FUBP1: variants seen among roughly 807,000 people sequenced by gnomAD.
FUBP1 encodes far upstream element-binding protein 1.
In FUBP1, 16 loss-of-function variants were observed where a neutral mutation model predicts 94.9. The observed-to-expected ratio is 0.17, with a 90% CI of 0.11 to 0.26. FUBP1 has a LOEUF of 0.26. Ranked by LOEUF, FUBP1 falls within the 10% of genes least tolerant of loss-of-function variation. FUBP1 has a pLI of 1.00. For missense variants in FUBP1, 583 were observed against 808.6 expected (o/e 0.72, Z 3.38); for synonymous variants, 279 against 254.9 (o/e 1.09, Z -0.90).
chr1:77,978,746 T>C (rs1459539183), intron 1 of FUBP1, 139 bp downstream of exon 1: 1 of 1,084,590 alleles, frequency 9.2e-7, no homozygotes, highest in South Asian at 1.4e-5. Context: ...ATTACCAACA[T>C]GGGGAAACGT....
chr1:77,956,443 A>C, intron 17 of FUBP1, 129 bp downstream of exon 17: 1 of 571,406 alleles, frequency 1.8e-6, no homozygotes. Flanking sequence ...TAACAATTTA[A>C]AAAAGGAAAA....
intron 1 of FUBP1, among the ~76,000 whole-genome samples, chr1:77,977,815 A>C (rs76576474): frequency 0.047 from 7,206 of 152,294 alleles, 226 homozygotes; most frequent in East Asian, 0.11. Context: ...AAGTACAGGT[A>C]CATGTTTATA....
In FUBP1 at chr1:77,963,694, C is replaced by T; in HGVS notation, c.1063G>A (p.Gly355Arg). The T allele has an allele frequency of 6.2e-7, 1 of 1,611,380 alleles. No individual in the cohort carries two copies. Among genetic ancestry groups the T allele is most frequent in the Non-Finnish European group, 8.5e-7 (1 of 1,177,824 alleles). ...SVQAGNPGGP[G>R]PGGRGRGRGQ... ...CTACCTCTTCCTCGACCACCAGGTC[C>T]AGGTCCACCAGGATTACCAGCCTAT... Residue 355 changes from glycine (G) to arginine (R), a missense_variant, in exon 13 of 20, where the codon GGA becomes AGA. Physicochemically the swap from Gly to Arg is moderately radical, Grantham distance 125 (BLOSUM62 -2). Transcript: ENST00000370768.
chr1:77,967,149 G>T, intron 4 of FUBP1, 48 bp from the exon 5 acceptor site: 1 of 1,181,584 alleles, frequency 8.5e-7, no homozygotes, highest in Non-Finnish European at 1.2e-6. Flanking sequence ...AAGATACTTT[G>T]TTTACAAATA....
intron 1 of FUBP1, among the ~76,000 whole-genome samples, chr1:77,970,649 G>C (rs530944845): frequency 1.3e-5 from 2 of 152,182 alleles, no homozygotes; most frequent in East Asian, 1.9e-4. Flanking sequence ...CAGGGAGCTC[G>C]AGTCTTAAAA....
At chr1:77,979,209 A>AG (rs936128493), upstream of FUBP1, 7 of 559,326 alleles carry the variant, frequency 1.3e-5, no homozygotes, top group Non-Finnish European at 1.9e-5. Flanking sequence ...AAAGAACGAC[A>AG]GGAACAGAGA....
rs1376356183 is a variant in FUBP1 at position 77,967,188 on chromosome 1, T to C, written c.291-87A>G. The C allele has an allele frequency of 9.5e-6, 8 of 841,372 alleles. No individual in the cohort carries two copies. In the African/African-American group the frequency reaches 1.4e-4, roughly 15 times the overall value. 52.1% of individuals were successfully genotyped at this position (841,372 alleles called of 1,614,324 possible). ...GATAATCTATTAATAAAAATGGAAG[T>C]CTAATGTCTCCCAATGGCTTAAACT... On this transcript the variant is annotated intron_variant, in intron 4 of 19. Coordinates refer to ENST00000370768, the MANE Select transcript of FUBP1 (RefSeq NM_003902.5).
chr1:77,965,497 G>A (rs551041850), intron 7 of FUBP1, among the ~76,000 whole-genome samples: 21 of 152,262 alleles, frequency 1.4e-4, no homozygotes, highest in Admixed American at 5.2e-4. Flanking sequence ...GAACTCTAAT[G>A]CTAAAGTTAT....
At chr1:77,962,678 T>C (rs1655725045) in intron 14 of FUBP1, 92 bp downstream of exon 14, 3 of 694,466 alleles carry the variant, frequency 4.3e-6, no homozygotes, top group East Asian at 5.3e-5. Context: ...CTAGTAATGA[T>C]ACATTTTCCT....
Position 77,947,492 on chromosome 1 carries a change from C to CA in FUBP1, c.*1273dup. On this transcript the variant is annotated 3_prime_UTR_variant, in exon 20 of 20. Coordinates refer to ENST00000370768, the MANE Select transcript of FUBP1 (RefSeq NM_003902.5). Reference sequence around the variant, plus strand: ...TGAAGGAACACAATCAAGGATGATACACAGCACAGTCCTCCTCACCCCTAC... The same window carrying CA: ...TGAAGGAACACAATCAAGGATGATACAACAGCACAGTCCTCCTCACCCCTAC... 7.6e-7 allele frequency: 1 copy of CA among 1,311,614 alleles called. No individual in the cohort carries two copies. 81.2% of individuals were successfully genotyped at this position (1,311,614 alleles called of 1,614,324 possible).
chr1:77,947,668 C>T lies in FUBP1; in HGVS notation c.*1098G>A. 1 of 686,028 alleles carries T rather than the reference C, an allele frequency of 1.5e-6. No homozygotes were observed. The highest frequency in any genetic ancestry group is 2.3e-5 in the Admixed American group (1 of 44,184). 42.5% of individuals were successfully genotyped at this position (686,028 alleles called of 1,614,324 possible). A position where few individuals can be genotyped will look rare whatever the true frequency, so the allele number is the denominator to read the frequency against. On this transcript the variant is annotated 3_prime_UTR_variant, in exon 20 of 20. Coordinates refer to ENST00000370768, the MANE Select transcript of FUBP1 (RefSeq NM_003902.5). Reference sequence around the variant, plus strand: ...AATGGATTTCAACAAAATATCAGAACTTCAGCATGAGTGTTAAAGAGTAAT... The same window carrying T: ...AATGGATTTCAACAAAATATCAGAATTTCAGCATGAGTGTTAAAGAGTAAT...
chr1:77,979,219 A>G (rs1659375258), upstream of FUBP1: 4 of 549,416 alleles, frequency 7.3e-6, no homozygotes, highest in Non-Finnish European at 1.3e-5. Flanking sequence ...AGGAACAGAG[A>G]CGTCGCGAGG....
rs554110245 is a variant in FUBP1 at position 77,977,817 on chromosome 1, A to G, written c.120+1068T>C. Among the ~76,000 whole-genome samples, 12 of 152,372 alleles carry G rather than the reference A, an allele frequency of 7.9e-5. No individual in the cohort carries two copies. In the South Asian group the frequency reaches 2.1e-3, roughly 26 times the overall value. On this transcript the variant is annotated intron_variant, in intron 1 of 19. Coordinates refer to ENST00000370768, the MANE Select transcript of FUBP1 (RefSeq NM_003902.5). ...TCTGGTTATAAAAAAGTACAGGTACATGTTTATAATGCGTTCACATTAGAT... is the reference window on the plus strand; with the variant it reads ...TCTGGTTATAAAAAAGTACAGGTACGTGTTTATAATGCGTTCACATTAGAT...
Position 77,946,803 on chromosome 1 carries a change from A to G in FUBP1, c.*1963T>C, listed in dbSNP as rs1469284555. 4.9e-6 allele frequency: 1 copy of G among 205,220 alleles called. No homozygotes were observed. Among genetic ancestry groups the G allele is most frequent in the African/African-American group, 2.3e-5 (1 of 43,774 alleles). 12.7% of individuals were successfully genotyped at this position (205,220 alleles called of 1,614,324 possible). On this transcript the variant is annotated 3_prime_UTR_variant, in exon 20 of 20. Transcript: ENST00000370768. ...CAATACCCTACTCTTAAAGATAACA[A>G]ATAGCTAACTCCTTAACTATTAAAC...
chr1:77,962,696 A>T, intron 14 of FUBP1, 74 bp downstream of exon 14: 1 of 882,966 alleles, frequency 1.1e-6, no homozygotes, highest in Non-Finnish European at 1.7e-6. Context: ...CCTTTGATGT[A>T]TTTGAATAAA....
At chr1:77,977,998 C>A (rs1659021368) in intron 1 of FUBP1, among the ~76,000 whole-genome samples, 2 of 152,226 alleles carry the variant, frequency 1.3e-5, no homozygotes, top group Admixed American at 1.3e-4. Context: ...AAATGCCCAG[C>A]ACCTAGTACA....
rs1416685249 is a variant in FUBP1 at position 77,963,606 on chromosome 1, G to T, written c.1151C>A (p.Pro384Gln). The T allele has an allele frequency of 1.9e-6, 3 of 1,593,076 alleles. No homozygotes were observed. Among genetic ancestry groups the T allele is most frequent in the Non-Finnish European group, 2.6e-6 (3 of 1,161,276 alleles). The stretch of plus-strand genomic sequence containing the variant: ...TATTATTAATCCAGTTTTCCCAGTT[G>T]GCACAATAAAATTAAATTCCTGTAG... ...GGLQEFNFIVPTGKTGLIIGK... is the reference protein window; with the variant it reads ...GGLQEFNFIVQTGKTGLIIGK... The change falls in exon 13 of 20, where the codon CCA (proline) becomes CAA (glutamine). Residue 384 changes from proline to glutamine, a missense_variant. Coordinates refer to ENST00000370768, the MANE Select transcript of FUBP1 (RefSeq NM_003902.5).
rs965766918 is a variant in FUBP1, at chr1:77,947,526, T to A, written c.*1240A>T. ...GTCCTCCTCACCCCTACAGAGCTAGTTCTATACTGGCTGGATCAAACCTGC... is the reference window on the plus strand; with the variant it reads ...GTCCTCCTCACCCCTACAGAGCTAGATCTATACTGGCTGGATCAAACCTGC... On this transcript the variant is annotated 3_prime_UTR_variant, in exon 20 of 20. Coordinates refer to ENST00000370768, the MANE Select transcript of FUBP1 (RefSeq NM_003902.5). 16 of 1,352,526 alleles carry A rather than the reference T, an allele frequency of 1.2e-5. No individual in the cohort carries two copies. The Middle Eastern group carries it at 5.8e-4, about 49-fold the overall frequency. The allele number at this position is 1,352,526 out of a possible 1,614,324, so 83.8% of individuals were successfully genotyped here.
chr1:77,978,977 G>A lies in FUBP1; in HGVS notation c.28C>T (p.Pro10Ser), dbSNP rs527349416. MADYSTVPP[P>S]SSGSAGGGGG... ...CCGCCACCAGCTGAGCCAGAAGAGG[G>A]GGGAGGCACTGTTGAATAGTCTGCC... Residue 10 changes from proline (P) to serine (S), a missense_variant, in exon 1 of 20, where the codon CCC (proline) becomes TCC (serine). By Grantham distance (74) the Pro-to-Ser change is moderately conservative. Transcript: ENST00000370768. 1 of 1,613,808 alleles carries A rather than the reference G, an allele frequency of 6.2e-7. No individual in the cohort carries two copies. The highest frequency in any genetic ancestry group is 1.1e-5 in the South Asian group (1 of 91,076).
Sources: allele counts gnomAD v4.1 joint callset (sites outside exome capture counted in the v4.1 genomes callset), GRCh38; gene constraint gnomAD v4.1.1; transcripts MANE v1.5; gene names NCBI Gene and HGNC (gene_info 2026-07-23, HGNC 2026-07-21).